Variants in SAMD3 observed in about 807,000 individuals in gnomAD.
SAMD3 encodes the protein sterile alpha motif domain-containing protein 3.
A neutral mutation model predicts 58.5 loss-of-function variants in SAMD3; 63 were observed. That is an observed-to-expected ratio of 1.08 (90% CI 0.88 to 1.33). The LOEUF (loss-of-function observed/expected upper bound fraction) is 1.33. SAMD3 is among the 40% of genes most tolerant of loss of function. SAMD3 has a pLI of 0.00. For synonymous variants in SAMD3, 220 were observed against 210.3 expected, an observed-to-expected ratio of 1.05 and a Z score of -0.40; for missense variants, 604 against 608.4, an observed-to-expected ratio of 0.99 and a Z score of 0.08.
intron 2 of SAMD3, among the ~76,000 whole-genome samples, chr6:130,289,389 A>G (rs1219863472): frequency 6.6e-6 from 1 of 152,214 alleles, no homozygotes; most frequent in Non-Finnish European, 1.5e-5. Context: ...GCTAGGAGGC[A>G]GACTTTTTCC....
chr6:130,173,561 A>T (rs1052891654), intron 8 of SAMD3, among the ~76,000 whole-genome samples: 1 of 152,238 alleles, frequency 6.6e-6, no homozygotes, highest in Non-Finnish European at 1.5e-5. Flanking sequence ...GCTTCGTCCC[A>T]GAGGGGCACT....
At chr6:130,209,752 A>T in intron 4 of SAMD3, 144 bp from the exon 5 acceptor site, 1 of 537,934 alleles carries the variant, frequency 1.9e-6, no homozygotes, top group Non-Finnish European at 3.3e-6. Flanking sequence ...CATGACTAAG[A>T]GAATGGAAAG....
rs138415013 is a variant in SAMD3 at position 130,209,690 on chromosome 6, G to A, written c.270-82C>T. The A allele has an allele frequency of 1.8e-4, 149 of 812,614 alleles. No homozygotes were observed. In the African/African-American group the frequency reaches 1.9e-3, roughly 10 times the overall value. 50.3% of individuals were successfully genotyped at this position (812,614 alleles called of 1,614,324 possible). A position where few individuals can be genotyped will look rare whatever the true frequency, so the allele number is the denominator to read the frequency against. ...CACAGCAGCTCTGAAGGTAGCACCA[G>A]CCCAGAGTAAACATCATGGTCTGTG... On this transcript the variant is annotated intron_variant, in intron 4 of 11. Transcript: ENST00000439090.
intron 2 of SAMD3, among the ~76,000 whole-genome samples, chr6:130,261,082 AC>A (rs529864719): frequency 4.6e-4 from 69 of 150,766 alleles, no homozygotes; most frequent in Middle Eastern, 6.8e-3. Flanking sequence ...CTTTATTGGC[AC>A]TTTGGTTTTG....
chr6:130,338,132 C>A (rs749203911), intron 1 of SAMD3, among the ~76,000 whole-genome samples: 1 of 152,188 alleles, frequency 6.6e-6, no homozygotes, highest in African/African-American at 2.4e-5. Flanking sequence ...TGGTGCCCTG[C>A]GTTCCAGCTG....
chr6:130,145,401 CAT>C lies in SAMD3; in HGVS notation c.1215_1216del (p.Cys406PhefsTer10), dbSNP rs746539822. The C allele has an allele frequency of 2.9e-4, 468 of 1,611,064 alleles. No individual in the cohort carries two copies. Among genetic ancestry groups the C allele is most frequent in the Non-Finnish European group, 3.8e-4 (444 of 1,178,060 alleles). On this transcript the variant is annotated frameshift_variant, in exon 11 of 12. Transcript: ENST00000439090. LOFTEE classifies it high-confidence loss of function. Reference sequence around the variant, plus strand: ...CCCAAAAACATCTGGGAGGAGTAAACATGTGGCTGTCATCTTCATGTCTGTCA... The same window carrying C: ...CCCAAAAACATCTGGGAGGAGTAAACGTGGCTGTCATCTTCATGTCTGTCA...
At chr6:130,308,439 T>TATTCTATTCTATTCTATTC (rs1562513320) in intron 2 of SAMD3, among the ~76,000 whole-genome samples, 2 of 148,656 alleles carry the variant, frequency 1.3e-5, no homozygotes, top group Non-Finnish European at 1.5e-5. Flanking sequence ...TATTCTATTC[T>TATTCTATTCTATTCTATTC]TTTGTGTGTG....
intron 8 of SAMD3, among the ~76,000 whole-genome samples, chr6:130,173,856 G>T (rs1445076377): frequency 6.6e-6 from 1 of 152,266 alleles, no homozygotes; most frequent in Non-Finnish European, 1.5e-5. Context: ...GTAAGCCCCT[G>T]AGTGGGGCTG....
intron 5 of SAMD3, among the ~76,000 whole-genome samples, chr6:130,190,562 G>T (rs1381654716): frequency 1.3e-5 from 2 of 151,982 alleles, no homozygotes; most frequent in African/African-American, 4.8e-5. Flanking sequence ...ATTAAAAATT[G>T]TACTAGATAG....
rs559554383 is a variant in SAMD3 at position 130,153,152 on chromosome 6, G to C, written c.1023+1673C>G. On this transcript the variant is annotated intron_variant, in intron 9 of 11. Coordinates refer to ENST00000439090, the MANE Select transcript of SAMD3 (RefSeq NM_001017373.4). ...ATTAACACGTGCTCCCTACATGTAA[G>C]GAGTGTATAGACCGTAAGTTTGACA... is the stretch of plus-strand genomic sequence containing the variant. 4.6e-5 allele frequency among the ~76,000 whole-genome samples: 7 copies of C among 152,198 alleles called. No homozygotes were observed. The South Asian group carries it at 1.5e-3, about 32-fold the overall frequency.
At chr6:130,169,438 GA>G (rs1791034324) in intron 8 of SAMD3, among the ~76,000 whole-genome samples, 4 of 152,274 alleles carry the variant, frequency 2.6e-5, no homozygotes, top group Admixed American at 6.5e-5. Context: ...TTGTAAGGGG[GA>G]AAAAAGTTAA....
intron 1 of SAMD3, among the ~76,000 whole-genome samples, chr6:130,347,510 G>C (rs1777493628): frequency 6.6e-6 from 1 of 152,190 alleles, no homozygotes; most frequent in African/African-American, 2.4e-5. Context: ...AACGAAGTGA[G>C]AAGAGAAGAC....
At chr6:130,282,034 ATTC>A (rs985621694) in intron 2 of SAMD3, among the ~76,000 whole-genome samples, 46 of 152,242 alleles carry the variant, frequency 3.0e-4, no homozygotes, top group African/African-American at 1.1e-3. Context: ...TCTGTAGTAA[ATTC>A]TTCTTCCTTC....
At chr6:130,163,255 C>T (rs1790424967) in intron 8 of SAMD3, among the ~76,000 whole-genome samples, 1 of 152,004 alleles carries the variant, frequency 6.6e-6, no homozygotes, top group Non-Finnish European at 1.5e-5. Flanking sequence ...ACGTTAATTC[C>T]ATTTGCCACT....
At chr6:130,195,453 A>T (rs1043558749) in intron 5 of SAMD3, among the ~76,000 whole-genome samples, 6 of 152,106 alleles carry the variant, frequency 3.9e-5, no homozygotes, top group Non-Finnish European at 8.8e-5. Flanking sequence ...GAACAAGACA[A>T]GCCTTACAAG....
intron 10 of SAMD3, 111 bp from the exon 11 acceptor site, chr6:130,145,533 C>G (rs1788543683): frequency 1.6e-6 from 1 of 628,260 alleles, no homozygotes; most frequent in East Asian, 2.9e-5. Flanking sequence ...AGAAAACAAA[C>G]TAGCCTTCTT....
chr6:130,265,843 A>G (rs1283911421), intron 2 of SAMD3, among the ~76,000 whole-genome samples: 5 of 152,214 alleles, frequency 3.3e-5, no homozygotes, highest in African/African-American at 1.2e-4. Flanking sequence ...AATAAGTTAG[A>G]AATAGGATGT....
At chr6:130,245,013 C>T (rs1309300471) in intron 2 of SAMD3, among the ~76,000 whole-genome samples, 1 of 152,146 alleles carries the variant, frequency 6.6e-6, no homozygotes, top group Non-Finnish European at 1.5e-5. Flanking sequence ...CTGATGTGCT[C>T]GTGGGCTGTA....
chr6:130,357,829 G>A (rs1023391628), intron 1 of SAMD3, among the ~76,000 whole-genome samples: 2 of 152,232 alleles, frequency 1.3e-5, no homozygotes, highest in Non-Finnish European at 2.9e-5. Flanking sequence ...TCATGAGTAT[G>A]TTTGGGTAAA....
Sources: allele counts gnomAD v4.1 joint callset (sites outside exome capture counted in the v4.1 genomes callset), GRCh38; gene constraint gnomAD v4.1.1; transcripts MANE v1.5; gene names NCBI Gene and HGNC (gene_info 2026-07-23, HGNC 2026-07-21).